The following SYT1 variants were observed in gnomAD, a reference collection of about 807,000 sequenced individuals.
SYT1 encodes the protein synaptotagmin-1.
A neutral mutation model predicts 44.8 loss-of-function variants in SYT1; 8 were observed. The ratio of observed to expected loss-of-function variants is 0.18; its 90% confidence interval spans 0.10 to 0.32. The LOEUF is 0.32. SYT1 is among the 10% of genes least tolerant of loss of function. The probability of loss-of-function intolerance (pLI) is 1.00; values close to 1 mark genes in which losing one functional copy is unlikely to be tolerated. For synonymous variants in SYT1, 154 were observed against 188.8 expected, an observed-to-expected ratio of 0.82 and a Z score of 1.51; for missense variants, 286 against 509.3, an observed-to-expected ratio of 0.56 and a Z score of 4.22.
rs549160659 is a variant in SYT1 at position 79,346,218 on chromosome 12, G to A, written c.811-7284G>A. ...TCAAGCTTTTTATTTATCCATTGGAGATGACCTCTGTTCTAATTATCTATA... is the reference window on the plus strand; with the variant it reads ...TCAAGCTTTTTATTTATCCATTGGAAATGACCTCTGTTCTAATTATCTATA... On this transcript the variant is annotated intron_variant, in intron 8 of 10. Transcript: ENST00000261205. Among the ~76,000 whole-genome samples the A allele has an allele frequency of 8.5e-5, 13 of 152,274 alleles. No individual in the cohort carries two copies. In the East Asian group the frequency reaches 2.3e-3, roughly 27 times the overall value.
At chr12:79,316,102 C>A (rs1452636956) in intron 8 of SYT1, among the ~76,000 whole-genome samples, 4 of 152,170 alleles carry the variant, frequency 2.6e-5, no homozygotes, top group Non-Finnish European at 5.9e-5. Flanking sequence ...ACGCTATACA[C>A]AGTGTAACAC....
Position 79,364,279 on chromosome 12 carries a change from G to A in SYT1, c.928+10660G>A, listed in dbSNP as rs1593002667. On this transcript the variant is annotated intron_variant, in intron 9 of 10. Transcript: ENST00000261205. The stretch of plus-strand genomic sequence containing the variant: ...CGAAAGAAAAACAGACTATCTCCAA[G>A]AGATAAAAGAGAGTGACACAGAAAT... 4.5e-5 allele frequency among the ~76,000 whole-genome samples: 6 copies of A among 134,216 alleles called. 1 individual carries two copies. The allele number at this position is 134,216 out of a possible 152,430, so 88.1% of individuals were successfully genotyped here.
At chr12:78,918,328 T>G (rs1319771905) in intron 1 of SYT1, among the ~76,000 whole-genome samples, 1 of 151,992 alleles carries the variant, frequency 6.6e-6, no homozygotes, top group East Asian at 1.9e-4. Context: ...CCAGGCAGGT[T>G]ATCTGCCAAG....
chr12:79,136,090 A>G (rs1015001875), intron 3 of SYT1, among the ~76,000 whole-genome samples: 5 of 152,220 alleles, frequency 3.3e-5, no homozygotes, highest in Non-Finnish European at 7.3e-5. Flanking sequence ...AAAGATGTCT[A>G]TGTTAGAATA....
chr12:78,887,540 A>T (rs1369345489), intron 1 of SYT1, among the ~76,000 whole-genome samples: 1 of 151,958 alleles, frequency 6.6e-6, no homozygotes, highest in Non-Finnish European at 1.5e-5. Context: ...GGAAAGAGAA[A>T]TCCATGCATG....
chr12:78,922,705 A>G (rs959753043), intron 1 of SYT1, among the ~76,000 whole-genome samples: 19 of 151,946 alleles, frequency 1.3e-4, no homozygotes, highest in African/African-American at 4.1e-4. Flanking sequence ...CCAGATGGAC[A>G]CATGCTGTAT....
chr12:79,245,499 AAAG>A (rs1227404774), intron 4 of SYT1, among the ~76,000 whole-genome samples: 18 of 150,848 alleles, frequency 1.2e-4, no homozygotes, highest in African/African-American at 4.4e-4. Context: ...AGAAAAGAAA[AAAG>A]AAAAAAAAAA....
At chr12:79,336,809 T>C (rs1882110853) in intron 8 of SYT1, among the ~76,000 whole-genome samples, 1 of 152,192 alleles carries the variant, frequency 6.6e-6, no homozygotes, top group Non-Finnish European at 1.5e-5. Flanking sequence ...ATTTATTTTT[T>C]ATTTCATGTT....
In SYT1 at chr12:79,293,728, G is replaced by C. The variant is rs569252899; in HGVS notation, c.474+1598G>C. 3.9e-5 allele frequency among the ~76,000 whole-genome samples: 6 copies of C among 152,268 alleles called. No homozygotes were observed. In the South Asian group the frequency reaches 1.2e-3, roughly 32 times the overall value. On this transcript the variant is annotated intron_variant, in intron 6 of 10. Transcript: ENST00000261205. ...GTCTTCACTTTCTAAAGTTTCCAGA[G>C]GGTTCCTCATGAAGGATGTACAAAT...
chr12:78,890,233 T>C (rs1874975503), intron 1 of SYT1, among the ~76,000 whole-genome samples: 1 of 151,988 alleles, frequency 6.6e-6, no homozygotes, highest in African/African-American at 2.4e-5. Flanking sequence ...CAAAGTTAAC[T>C]TTTATAAATT....
chr12:78,892,952 A>G (rs1220278131), intron 1 of SYT1, among the ~76,000 whole-genome samples: 3 of 151,878 alleles, frequency 2.0e-5, no homozygotes, highest in Non-Finnish European at 4.4e-5. Flanking sequence ...TATAAGTAGC[A>G]TTATAATATT....
chr12:78,928,394 G>A (rs1877423541), intron 1 of SYT1, among the ~76,000 whole-genome samples: 1 of 152,050 alleles, frequency 6.6e-6, no homozygotes. Context: ...TGCATAATTT[G>A]TTTTCCTTCT....
intron 9 of SYT1, chr12:79,392,390 G>T (rs181534013): frequency 6.6e-5 from 10 of 152,242 alleles, no homozygotes; most frequent in African/African-American, 1.9e-4. Flanking sequence ...ACTATCAGCT[G>T]AACAAAGATT....
chr12:79,389,330 C>G (rs1884563306), intron 9 of SYT1, among the ~76,000 whole-genome samples: 1 of 152,118 alleles, frequency 6.6e-6, no homozygotes, highest in South Asian at 2.1e-4. Flanking sequence ...TCTATACGTT[C>G]CCAGCATTGT....
intron 1 of SYT1, among the ~76,000 whole-genome samples, chr12:78,917,375 C>T (rs6539122): frequency 0.71 from 107,484 of 151,792 alleles, 38,735 homozygotes; most frequent in African/African-American, 0.82. Context: ...ACTGTAGGAC[C>T]CAGTTTTAGT....
intron 8 of SYT1, among the ~76,000 whole-genome samples, chr12:79,320,869 A>G (rs918222765): frequency 6.6e-6 from 1 of 151,260 alleles, no homozygotes; most frequent in Non-Finnish European, 1.5e-5. Flanking sequence ...GATCGGCCCA[A>G]CTCGGCCTCC....
chr12:79,248,192 C>T (rs1048584852), intron 4 of SYT1, among the ~76,000 whole-genome samples: 6 of 152,080 alleles, frequency 3.9e-5, no homozygotes, highest in Admixed American at 1.3e-4. Flanking sequence ...GTGAATCCTC[C>T]ATTAATGGAG....
intron 3 of SYT1, among the ~76,000 whole-genome samples, chr12:79,162,571 T>A (rs1422858610): frequency 6.6e-6 from 1 of 152,128 alleles, no homozygotes; most frequent in African/African-American, 2.4e-5. Context: ...GTGAAACTGC[T>A]ACTATTTTTG....
chr12:79,176,569 A>G (rs1007592643), intron 3 of SYT1, among the ~76,000 whole-genome samples: 1 of 152,076 alleles, frequency 6.6e-6, no homozygotes, highest in South Asian at 2.1e-4. Flanking sequence ...CTGATACTCT[A>G]CAACCTGCTT....
Sources: gnomAD v4.1 joint callset for allele counts (sites outside exome capture counted in the v4.1 genomes callset) on GRCh38, gnomAD v4.1.1 for gene constraint, MANE v1.5 for transcripts, NCBI Gene and HGNC (gene_info 2026-07-23, HGNC 2026-07-21) for gene names.